Variants in KIF7 observed in about 807,000 individuals in gnomAD.
KIF7 encodes kinesin-like protein KIF7.
Under a neutral mutation model 135.7 loss-of-function variants are expected in KIF7, and 104 were observed. The observed-to-expected ratio is 0.77, with a 90% CI of 0.65 to 0.90. The LOEUF is 0.90. Among genes scored for constraint, KIF7 ranks in the 40% least tolerant of loss-of-function variants. KIF7 has a pLI of 0.00. For synonymous variants in KIF7, 883 were observed against 809.4 expected (o/e 1.09, Z -1.54); for missense variants, 2,005 against 1,839.1 (o/e 1.09, Z -1.65).
chr15:89,625,535 G>T, downstream of KIF7: 1 of 1,613,544 alleles, frequency 6.2e-7, no homozygotes, highest in South Asian at 1.1e-5. Context: ...GAGCTCGAGG[G>T]AGTGTGCCAG....
At chr15:89,640,646 G>T (rs566382568) in intron 11 of KIF7, among the ~76,000 whole-genome samples, 2 of 151,994 alleles carry the variant, frequency 1.3e-5, no homozygotes, top group African/African-American at 4.8e-5. Flanking sequence ...GGATGGAAGG[G>T]TGGGAGGGAC....
At position 89,645,404 on chromosome 15, in the gene KIF7, C is replaced by G. The variant is rs367617135; in HGVS notation, c.1970G>C (p.Ser657Thr). ...CSQRAGARPGSLPERKGPELC... is the reference protein window; with the variant it reads ...CSQRAGARPGTLPERKGPELC... ...CTCTGGGCCCTTCCTCTCTGGCAGA[C>G]TCCCTGGGCGTGCCCCCGCCCTCTG... The change falls in exon 9 of 19, where the codon AGT becomes ACT. Residue 657 changes from serine to threonine, a missense_variant. By Grantham distance (58) the Ser-to-Thr change is moderately conservative. Coordinates refer to ENST00000394412, the MANE Select transcript of KIF7 (RefSeq NM_198525.3). The G allele has an allele frequency of 6.2e-7, 1 of 1,614,132 alleles. No homozygotes were observed. The highest frequency in any genetic ancestry group is 1.6e-4 in the Middle Eastern group (1 of 6,062).
At chr15:89,640,491 G>A (rs560739632) in intron 11 of KIF7, among the ~76,000 whole-genome samples, 6 of 152,060 alleles carry the variant, frequency 3.9e-5, no homozygotes, top group South Asian at 2.1e-4. Context: ...CTTGACCAAC[G>A]ACACATAGCT....
intron 2 of KIF7, 109 bp downstream of exon 2, chr15:89,652,494 C>T: frequency 1.1e-6 from 1 of 877,248 alleles, no homozygotes; most frequent in Non-Finnish European, 1.7e-6. Flanking sequence ...TCTTCCTCCC[C>T]CAGCATCCCC....
At chr15:89,621,000 C>T (rs1001151084) in intron 1 of KIF7, among the ~76,000 whole-genome samples, 1 of 150,656 alleles carries the variant, frequency 6.6e-6, no homozygotes, top group Non-Finnish European at 1.5e-5. Flanking sequence ...GGATTACAGG[C>T]GTGAGCCACT....
At chr15:89,618,516 A>C (rs904476625) in intron 1 of KIF7, among the ~76,000 whole-genome samples, 1 of 152,226 alleles carries the variant, frequency 6.6e-6, no homozygotes, top group Non-Finnish European at 1.5e-5. Context: ...GCTTTTCACT[A>C]CATATTTTTT....
At chr15:89,623,512 C>A, downstream of KIF7, 1 of 1,118,834 alleles carries the variant, frequency 8.9e-7, no homozygotes, top group Non-Finnish European at 1.3e-6. Context: ...ATCTTTAGAT[C>A]ATTCCTTTGG....
intron 11 of KIF7, 118 bp downstream of exon 11, chr15:89,642,085 G>T: frequency 9.2e-7 from 1 of 1,082,306 alleles, no homozygotes; most frequent in East Asian, 2.5e-5. Context: ...GGCCAGGGCT[G>T]GAGCACAAGG....
At chr15:89,656,259 G>C (rs1964205638), upstream of KIF7, among the ~76,000 whole-genome samples, 1 of 152,060 alleles carries the variant, frequency 6.6e-6, no homozygotes, top group Admixed American at 6.5e-5. Context: ...GAACCATAAG[G>C]TCATGTGTTA....
chr15:89,635,119 G>C (rs1963777577), intron 11 of KIF7, among the ~76,000 whole-genome samples: 2 of 151,806 alleles, frequency 1.3e-5, no homozygotes, highest in South Asian at 4.2e-4. Context: ...TGAGGGTCCT[G>C]TATGTTAGAA....
chr15:89,626,013 C>T (rs867522684), downstream of KIF7: 1 of 1,613,614 alleles, frequency 6.2e-7, no homozygotes, highest in Admixed American at 1.7e-5. Context: ...CCAGTCTCCG[C>T]TGCTGTTCCA....
intron 16 of KIF7, 138 bp from the exon 17 acceptor site, chr15:89,629,711 A>C (rs1963631188): frequency 8.6e-7 from 1 of 1,164,238 alleles, no homozygotes. Context: ...CTGAGCCAAG[A>C]CTCAGCCTCA....
At chr15:89,617,738 C>CT (rs1178084212) in intron 2 of KIF7, among the ~76,000 whole-genome samples, 1 of 143,686 alleles carries the variant, frequency 7.0e-6, no homozygotes, top group East Asian at 2.0e-4. Context: ...TGTCGCCAGG[C>CT]TGGAGTGCAG....
intron 1 of KIF7, among the ~76,000 whole-genome samples, chr15:89,618,533 G>A (rs1032309949): frequency 6.6e-6 from 1 of 152,198 alleles, no homozygotes; most frequent in African/African-American, 2.4e-5. Flanking sequence ...TTTTCAAGAA[G>A]GCAGGGAAAT....
upstream of KIF7, chr15:89,655,556 C>A (rs546029518): frequency 6.6e-6 from 1 of 152,104 alleles, no homozygotes; most frequent in Non-Finnish European, 1.5e-5. Context: ...AGGCGCGAGC[C>A]GGTCGGCGTC....
rs1963620180 is a variant in KIF7, at chr15:89,629,379, ACT to A, written c.3511_3512del (p.Asp1173ProfsTer4). On this transcript the variant is annotated frameshift_variant, in exon 17 of 19. Coordinates refer to ENST00000394412, the MANE Select transcript of KIF7 (RefSeq NM_198525.3). LOFTEE classifies it high-confidence loss of function. Reference protein sequence around the residue: ...EQNMQLLLQQSRDHLGEGLAD... With the variant: ...EQNMQLLLQQXRDHLGEGLAD... ...GCCATGGGCCGGGCTGCTCACCTCG[ACT>A]CTGCTGCAGGAGCAGCTGCATGTTC... The A allele has an allele frequency of 1.9e-6, 3 of 1,594,202 alleles. No individual in the cohort carries two copies. Among genetic ancestry groups the A allele is most frequent in the South Asian group, 2.2e-5 (2 of 90,498 alleles).
intron 11 of KIF7, among the ~76,000 whole-genome samples, chr15:89,634,596 A>C (rs530429331): frequency 1.3e-5 from 2 of 152,214 alleles, no homozygotes; most frequent in Non-Finnish European, 2.9e-5. Context: ...GGTCACTCCC[A>C]CCAGAATACT....
chr15:89,648,752 C>G lies in KIF7; in HGVS notation c.946G>C (p.Gly316Arg), dbSNP rs1383459229. The part of the protein sequence containing the change: ...ITRILKDSLG[G>R]NAKTVMIACV... Reference sequence around the variant, plus strand: ...GCGATCATCACCGTCTTGGCGTTCCCGCCCAGCGAGTCTTTGAGGATCCTG... The same window carrying G: ...GCGATCATCACCGTCTTGGCGTTCCGGCCCAGCGAGTCTTTGAGGATCCTG... Residue 316 changes from glycine to arginine, a missense_variant, in exon 5 of 19, where the codon GGG (glycine) becomes CGG (arginine). Gly to Arg is a moderately radical substitution (Grantham distance 125, BLOSUM62 -2). Coordinates refer to ENST00000394412, the MANE Select transcript of KIF7 (RefSeq NM_198525.3). 2.0e-6 allele frequency: 3 copies of G among 1,535,516 alleles called. No individual in the cohort carries two copies. Among genetic ancestry groups the G allele is most frequent in the South Asian group, 1.2e-5 (1 of 84,034 alleles).
At chr15:89,657,877 C>A (rs1306959622), upstream of KIF7, among the ~76,000 whole-genome samples, 1 of 152,234 alleles carries the variant, frequency 6.6e-6, no homozygotes. Flanking sequence ...GCAAAAGACA[C>A]TTGCAGAAGG....
Sources: allele counts gnomAD v4.1 joint callset (sites outside exome capture counted in the v4.1 genomes callset), GRCh38; gene constraint gnomAD v4.1.1; transcripts MANE v1.5; gene names NCBI Gene and HGNC (gene_info 2026-07-23, HGNC 2026-07-21).